NLRC3: variants seen among roughly 807,000 people sequenced by gnomAD.
NLRC3 encodes NLR family CARD domain containing 3.
NLRC3 carries 87 observed loss-of-function variants against 91.6 expected under a neutral mutation model. The observed-to-expected ratio is 0.95, with a 90% CI of 0.80 to 1.14. NLRC3 has a LOEUF of 1.14. Among genes scored for constraint, NLRC3 ranks in the 50% most tolerant of loss-of-function variants. The probability of loss-of-function intolerance (pLI) is 0.00; values close to 1 mark genes in which losing one functional copy is unlikely to be tolerated. For missense variants in NLRC3, 1,577 were observed against 1,418.6 expected, an observed-to-expected ratio of 1.11 and a Z score of -1.79; for synonymous variants, 694 against 625.3, an observed-to-expected ratio of 1.11 and a Z score of -1.64.
At position 3,564,849 on chromosome 16, in the gene NLRC3, C is replaced by T. The variant is rs758432797; in HGVS notation, c.178+10G>A. 1.3e-6 allele frequency: 2 copies of T among 1,596,592 alleles called. No individual in the cohort carries two copies. The highest frequency in any genetic ancestry group is 1.1e-5 in the South Asian group (1 of 90,470). Reference sequence around the variant, plus strand: ...CCCCACCCCGCGTCTGCCTCCCAAGCCGGTCCTACCATTGCTGCAGGGCCC... The same window carrying T: ...CCCCACCCCGCGTCTGCCTCCCAAGTCGGTCCTACCATTGCTGCAGGGCCC... On this transcript the variant is annotated intron_variant, in intron 4 of 19. Coordinates refer to ENST00000359128, the MANE Select transcript of NLRC3 (RefSeq NM_178844.4). The surrounding 1 kb of genome is among the most constrained non-coding windows in gnomAD (Gnocchi z 5.9).
At chr16:3,558,230 G>C (rs1442439906) in intron 6 of NLRC3, among the ~76,000 whole-genome samples, 1 of 152,146 alleles carries the variant, frequency 6.6e-6, no homozygotes, top group African/African-American at 2.4e-5. Flanking sequence ...AGCTACTTGG[G>C]AGGCTGAGGA....
intron 9 of NLRC3, among the ~76,000 whole-genome samples, chr16:3,553,494 T>C (rs1479557074): frequency 6.6e-6 from 1 of 152,200 alleles, no homozygotes; most frequent in Non-Finnish European, 1.5e-5. Flanking sequence ...AATTATCTGC[T>C]GTATTTAGGA....
At chr16:3,542,385 C>G in intron 18 of NLRC3, 111 bp from the exon 19 acceptor site, 5 of 734,512 alleles carry the variant, frequency 6.8e-6, no homozygotes, top group Middle Eastern at 4.6e-4. Flanking sequence ...GATGTGTCCA[C>G]AGGTGCCATG....
At chr16:3,549,295 G>A in intron 12 of NLRC3, 70 bp from the exon 13 acceptor site, 1 of 1,161,672 alleles carries the variant, frequency 8.6e-7, no homozygotes, top group Non-Finnish European at 1.3e-6. Flanking sequence ...AAGCCCAGGT[G>A]TTTAGGCTTC....
At position 3,563,319 on chromosome 16, in the gene NLRC3, G is replaced by A; in HGVS notation, c.1618C>T (p.Gln540Ter). ...TCAGCCACCTGGGTCCGGTAGGCCT[G>A]GTGCTCGCCTTGGGCCAGCAGGGAG... Reference protein sequence around the residue: ...AGSLLAQGEHQAYRTQVAELL... With the variant: ...AGSLLAQGEH The change falls in exon 5 of 20, where the codon CAG becomes TAG. Residue 540 changes from glutamine to a stop codon, truncating the protein, a stop_gained. Transcript: ENST00000359128. LOFTEE classifies it high-confidence loss of function. 6.3e-7 allele frequency: 1 copy of A among 1,598,070 alleles called. No individual in the cohort carries two copies. Among genetic ancestry groups the A allele is most frequent in the East Asian group, 2.3e-5 (1 of 44,288 alleles).
chr16:3,569,397 A>AGATATATATATATATATATTTT (rs2040013423), intron 1 of NLRC3, among the ~76,000 whole-genome samples: 1 of 41,046 alleles, frequency 2.4e-5, no homozygotes, highest in African/African-American at 1.2e-4. Flanking sequence ...TATATATATT[A>AGATATATATATATATATATTTT]TTTTTTTTTT....
intron 6 of NLRC3, among the ~76,000 whole-genome samples, chr16:3,561,095 T>G (rs1483187516): frequency 6.6e-6 from 1 of 151,920 alleles, no homozygotes; most frequent in African/African-American, 2.4e-5. Flanking sequence ...CTCACGCCAG[T>G]AATCCCAGCA....
At chr16:3,543,396 A>G (rs761977316) in intron 17 of NLRC3, 29 bp downstream of exon 17, 3 of 1,503,356 alleles carry the variant, frequency 2.0e-6, no homozygotes, top group East Asian at 4.5e-5. Flanking sequence ...TTTGGGCTAA[A>G]GACCATAGAT....
chr16:3,557,678 T>C lies in NLRC3; in HGVS notation c.2016-2A>G. ...TTACTGATCTGGTTCTCCGCCAAGC[T>C]GCCCAAGGAAAGGGAGAGGAGTGGT... On this transcript the variant is annotated splice_acceptor_variant, in intron 6 of 19. Coordinates refer to ENST00000359128, the MANE Select transcript of NLRC3 (RefSeq NM_178844.4). LOFTEE classifies it high-confidence loss of function. 2 of 1,610,612 alleles carry C rather than the reference T, an allele frequency of 1.2e-6. No homozygotes were observed. The highest frequency in any genetic ancestry group is 1.7e-4 in the Middle Eastern group (1 of 6,016).
intron 14 of NLRC3, 52 bp from the exon 15 acceptor site, chr16:3,548,270 T>C: frequency 6.9e-7 from 1 of 1,440,050 alleles, no homozygotes; most frequent in Non-Finnish European, 9.5e-7. Context: ...TATGTGGCCC[T>C]GGGGCAGAGC....
intron 8 of NLRC3, among the ~76,000 whole-genome samples, chr16:3,554,843 CA>C (rs879355209): frequency 1.3e-5 from 2 of 152,114 alleles, no homozygotes; most frequent in Admixed American, 6.5e-5. Flanking sequence ...TTCATATAAC[CA>C]AAAGGTGGAA....
rs2038895492 is a variant in NLRC3, at chr16:3,549,712, G to T, written c.2504C>A (p.Thr835Asn). 6.4e-7 allele frequency: 1 copy of T among 1,551,000 alleles called. No homozygotes were observed. The highest frequency in any genetic ancestry group is 2.0e-5 in the Admixed American group (1 of 51,000). ...CAGGACTTACCTGAGGCTGAGGAGGGTCTGGTTGGTGCAGAGGGCCCCCAT... is the reference window on the plus strand; with the variant it reads ...CAGGACTTACCTGAGGCTGAGGAGGTTCTGGTTGGTGCAGAGGGCCCCCAT... Reference protein sequence around the residue: ...ALMGALCTNQTLLSLSLRENS... With the variant: ...ALMGALCTNQNLLSLSLRENS... The change falls in exon 12 of 20, where the codon ACC becomes AAC. Residue 835 changes from threonine (T) to asparagine (N), a missense_variant. Coordinates refer to ENST00000359128, the MANE Select transcript of NLRC3 (RefSeq NM_178844.4).
Position 3,543,521 on chromosome 16 carries a change from G to A in NLRC3, c.2856-13C>T, listed in dbSNP as rs74977702. On this transcript the variant is annotated splice_polypyrimidine_tract_variant and intron_variant, in intron 16 of 19. Transcript: ENST00000359128. Reference sequence around the variant, plus strand: ...GGCCACCTGGAGACTGGGGCGGAGAGGGTGCCGTCAGTGTGAGCCGGCTGG... The same window carrying A: ...GGCCACCTGGAGACTGGGGCGGAGAAGGTGCCGTCAGTGTGAGCCGGCTGG... 0.028 allele frequency: 44,981 copies of A among 1,606,236 alleles called. 1,876 individuals are homozygous for A. The highest frequency in any genetic ancestry group is 0.15 in the African/African-American group (10,993 of 74,860).
At chr16:3,552,632 G>A (rs2039075623) in intron 9 of NLRC3, among the ~76,000 whole-genome samples, 1 of 152,124 alleles carries the variant, frequency 6.6e-6, no homozygotes, top group Non-Finnish European at 1.5e-5. Flanking sequence ...CCAGCAGGCT[G>A]CCTCCAACCC....
intron 16 of NLRC3, 179 bp from the exon 17 acceptor site, chr16:3,543,687 CAG>C (rs2038532736): frequency 5.0e-6 from 3 of 599,396 alleles, no homozygotes; most frequent in South Asian, 1.9e-5. Flanking sequence ...TTGCCTAAGA[CAG>C]AGATCTGGAT....
intron 15 of NLRC3, among the ~76,000 whole-genome samples, chr16:3,547,707 C>T (rs1393533880): frequency 2.6e-5 from 4 of 152,004 alleles, no homozygotes; most frequent in African/African-American, 2.4e-5. Flanking sequence ...CTCACTCTGT[C>T]GCCCAGGCTG....
intron 6 of NLRC3, among the ~76,000 whole-genome samples, chr16:3,557,948 C>T (rs2039426491): frequency 6.6e-6 from 1 of 152,200 alleles, no homozygotes. Flanking sequence ...ACAGCTTCTA[C>T]ACAAACAGCA....
At position 3,557,669 on chromosome 16, in the gene NLRC3, C is replaced by T; in HGVS notation, c.2023G>A (p.Glu675Lys). The change falls in exon 7 of 20, where the codon GAG becomes AAG. Residue 675 changes from glutamate to lysine, a missense_variant. Coordinates refer to ENST00000359128, the MANE Select transcript of NLRC3 (RefSeq NM_178844.4). ...GCCCCTTTGTTACTGATCTGGTTCT[C>T]CGCCAAGCTGCCCAAGGAAAGGGAG... ...DCRIQKISLA[E>K]NQISNKGAKA... 2.5e-6 allele frequency: 4 copies of T among 1,612,538 alleles called. No homozygotes were observed. Among genetic ancestry groups the T allele is most frequent in the South Asian group, 1.1e-5 (1 of 90,908 alleles).
chr16:3,569,402 T>A (rs368778867), intron 1 of NLRC3, among the ~76,000 whole-genome samples: 3,129 of 99,798 alleles, frequency 0.031, 54 homozygotes, highest in Non-Finnish European at 0.048. Flanking sequence ...ATATTATTTT[T>A]TTTTTTTTTT....
Sources: gnomAD v4.1 joint callset for allele counts (sites outside exome capture counted in the v4.1 genomes callset) on GRCh38, gnomAD v4.1.1 for gene constraint, Gnocchi (gnomAD v3.1) non-coding constraint, MANE v1.5 for transcripts, NCBI Gene and HGNC (gene_info 2026-07-23, HGNC 2026-07-21) for gene names.